Variants in SLC35F3 observed in about 807,000 individuals in gnomAD.
The protein encoded by SLC35F3 is putative thiamine transporter SLC35F3.
A neutral mutation model predicts 49.9 loss-of-function variants in SLC35F3; 25 were observed. The observed-to-expected ratio is 0.50, with a 90% CI of 0.37 to 0.70. The LOEUF (loss-of-function observed/expected upper bound fraction) is 0.70. Among genes scored for constraint, SLC35F3 ranks in the 30% least tolerant of loss-of-function variants. SLC35F3 has a pLI of 0.00. For missense variants in SLC35F3, 525 were observed against 639.8 expected (o/e 0.82, Z 1.94); for synonymous variants, 275 against 265.4 (o/e 1.04, Z -0.35).
chr1:234,112,093 C>T (rs1038707116), intron 2 of SLC35F3, among the ~76,000 whole-genome samples: 4 of 152,178 alleles, frequency 2.6e-5, no homozygotes, highest in African/African-American at 9.7e-5. Flanking sequence ...GTAAACCCAG[C>T]ACTTTGGGAG....
intron 2 of SLC35F3, among the ~76,000 whole-genome samples, chr1:234,181,939 T>C (rs1025737389): frequency 6.6e-6 from 1 of 152,224 alleles, no homozygotes; most frequent in Non-Finnish European, 1.5e-5. Flanking sequence ...CCAGTAGTTA[T>C]ATTCTATCAT....
intron 2 of SLC35F3, among the ~76,000 whole-genome samples, chr1:234,082,129 A>G (rs1664887121): frequency 6.6e-6 from 1 of 151,826 alleles, no homozygotes; most frequent in Non-Finnish European, 1.5e-5. Context: ...TTTTATATTA[A>G]TATACAAAAC....
At chr1:234,268,341 C>T (rs963342922) in intron 3 of SLC35F3, among the ~76,000 whole-genome samples, 1 of 72,248 alleles carries the variant, frequency 1.4e-5, no homozygotes, top group Non-Finnish European at 3.0e-5. Context: ...TGCAATCGCA[C>T]GCACTCGGCA....
chr1:234,090,602 G>A (rs934334814), intron 2 of SLC35F3, among the ~76,000 whole-genome samples: 1 of 152,210 alleles, frequency 6.6e-6, no homozygotes, highest in African/African-American at 2.4e-5. Context: ...TTCTGTGCAA[G>A]CATCATCAAG....
chr1:234,080,980 C>T (rs1276548421), intron 2 of SLC35F3, among the ~76,000 whole-genome samples: 2 of 152,122 alleles, frequency 1.3e-5, no homozygotes, highest in African/African-American at 2.4e-5. Flanking sequence ...TCTTTTTCTT[C>T]TCTGTCCTCC....
rs570407909 is a variant in SLC35F3 at position 234,129,906 on chromosome 1, T to C, written c.284-101511T>C. 5.3e-5 allele frequency among the ~76,000 whole-genome samples: 8 copies of C among 152,244 alleles called. No homozygotes were observed. In the East Asian group the frequency reaches 1.5e-3, roughly 29 times the overall value. On this transcript the variant is annotated intron_variant, in intron 2 of 7. Transcript: ENST00000366618. ...ACCTACACCTGACCATAAACAAAAATTAATTCTAAATGATTCACAGACCTA... is the reference window on the plus strand; with the variant it reads ...ACCTACACCTGACCATAAACAAAAACTAATTCTAAATGATTCACAGACCTA...
intron 2 of SLC35F3, among the ~76,000 whole-genome samples, chr1:234,151,369 A>C (rs2102908645): frequency 6.6e-6 from 1 of 152,244 alleles, no homozygotes; most frequent in East Asian, 1.9e-4. Flanking sequence ...AGCATGAGAA[A>C]AATATTAAAG....
rs183093625 is a variant in SLC35F3, at chr1:233,965,032, C to G, written c.283+59274C>G. Among the ~76,000 whole-genome samples, 428 of 152,232 alleles carry G rather than the reference C, an allele frequency of 2.8e-3. 1 individual carries two copies. Among genetic ancestry groups the G allele is most frequent in the Middle Eastern group, 6.8e-3 (2 of 294 alleles). On this transcript the variant is annotated intron_variant, in intron 2 of 7. Coordinates refer to ENST00000366618, the MANE Select transcript of SLC35F3 (RefSeq NM_173508.4). The stretch of plus-strand genomic sequence containing the variant: ...GTTGTCATTGCAATTGGACTCAGAA[C>G]ATTAGGGGCCTGGAGAAAGAAATAC...
chr1:233,926,190 A>G (rs561535074), intron 2 of SLC35F3, among the ~76,000 whole-genome samples: 60 of 152,194 alleles, frequency 3.9e-4, no homozygotes, highest in African/African-American at 1.3e-3. Context: ...GCCTTGCTAG[A>G]TTGGGGAAGT....
chr1:234,147,522 C>T (rs1333918518), intron 2 of SLC35F3, among the ~76,000 whole-genome samples: 1 of 151,790 alleles, frequency 6.6e-6, no homozygotes, highest in South Asian at 2.1e-4. Flanking sequence ...TGTTTTTTGT[C>T]TTTCATTTAT....
At chr1:234,036,750 T>C (rs535500474) in intron 2 of SLC35F3, among the ~76,000 whole-genome samples, 1 of 152,348 alleles carries the variant, frequency 6.6e-6, no homozygotes, top group South Asian at 2.1e-4. Context: ...AATGCATCTT[T>C]ATTTTAGTGC....
In SLC35F3 at chr1:234,027,931, G is replaced by A. The variant is rs561414391; in HGVS notation, c.283+122173G>A. Among the ~76,000 whole-genome samples, 11 of 152,282 alleles carry A rather than the reference G, an allele frequency of 7.2e-5. No individual in the cohort carries two copies. The South Asian group carries it at 2.1e-3, about 29-fold the overall frequency. On this transcript the variant is annotated intron_variant, in intron 2 of 7. Coordinates refer to ENST00000366618, the MANE Select transcript of SLC35F3 (RefSeq NM_173508.4). The surrounding 1 kb of genome is among the most constrained non-coding windows in gnomAD (Gnocchi z 4.1). ...GCAACCATGTTGAGTAAGCAGTATT[G>A]ATCAAAGGGGAAATTCAGGAGGGGA...
intron 2 of SLC35F3, chr1:234,213,220 A>G (rs895661507): frequency 1.3e-5 from 2 of 152,188 alleles, no homozygotes; most frequent in African/African-American, 2.4e-5. Flanking sequence ...CCTTGTGGGG[A>G]CTTGAATGAC....
intron 2 of SLC35F3, among the ~76,000 whole-genome samples, chr1:234,109,088 C>T (rs1403489062): frequency 6.6e-6 from 1 of 152,004 alleles, no homozygotes; most frequent in African/African-American, 2.4e-5. Flanking sequence ...CACACTGAGG[C>T]GTTTTGTTTT....
chr1:234,285,259 C>T (rs1045972205), intron 3 of SLC35F3: 2 of 443,364 alleles, frequency 4.5e-6, no homozygotes, highest in Non-Finnish European at 9.1e-6. Context: ...AGGCTGCTCA[C>T]TTCCCCCATC....
intron 2 of SLC35F3, among the ~76,000 whole-genome samples, chr1:233,948,214 AGAGAGGGAGAGAGG>A (rs1662545925): frequency 1.4e-5 from 2 of 141,144 alleles, no homozygotes; most frequent in South Asian, 2.3e-4. Context: ...GGAGAGAGGG[AGAGAGGGAGAGAGG>A]GAGAGAGAGA....
intron 3 of SLC35F3, among the ~76,000 whole-genome samples, chr1:234,297,756 A>C (rs953997198): frequency 1.3e-5 from 2 of 151,992 alleles, no homozygotes; most frequent in Non-Finnish European, 2.9e-5. Context: ...AAAAAAAAAA[A>C]AAAACAGTTA....
chr1:234,261,762 G>A (rs567264579), intron 3 of SLC35F3: 3 of 152,316 alleles, frequency 2.0e-5, no homozygotes, highest in Admixed American at 1.3e-4. Flanking sequence ...CAAAAGCGGT[G>A]TGACAAGCCT....
chr1:233,981,678 A>G (rs910369730), intron 2 of SLC35F3, among the ~76,000 whole-genome samples: 2 of 151,382 alleles, frequency 1.3e-5, no homozygotes, highest in African/African-American at 4.9e-5. Flanking sequence ...AAAAAAAAAA[A>G]GCTCAGGAAT....
Sources: gnomAD v4.1 joint callset for allele counts (sites outside exome capture counted in the v4.1 genomes callset) on GRCh38, gnomAD v4.1.1 for gene constraint, Gnocchi (gnomAD v3.1) non-coding constraint, MANE v1.5 for transcripts, NCBI Gene and HGNC (gene_info 2026-07-23, HGNC 2026-07-21) for gene names.